The following ZNF704 variants were observed in gnomAD, a reference collection of about 807,000 sequenced individuals.
ZNF704 encodes zinc finger protein 704.
A neutral mutation model predicts 44.7 loss-of-function variants in ZNF704; 10 were observed. The observed-to-expected ratio is 0.22, with a 90% CI of 0.14 to 0.38. ZNF704 has a LOEUF of 0.38. Among genes scored for constraint, ZNF704 ranks in the 10% least tolerant of loss-of-function variants. The probability of loss-of-function intolerance (pLI) is 1.00; values close to 1 mark genes in which losing one functional copy is unlikely to be tolerated. For missense variants in ZNF704, 390 were observed against 545.5 expected (o/e 0.71, Z 2.84); for synonymous variants, 211 against 207.6 (o/e 1.02, Z -0.14).
At chr8:80,671,362 C>T (rs1206181652) in intron 4 of ZNF704, among the ~76,000 whole-genome samples, 4 of 152,200 alleles carry the variant, frequency 2.6e-5, no homozygotes, top group African/African-American at 9.6e-5. Context: ...TTTTCTAAAA[C>T]AGTCCAGTGC....
intron 2 of ZNF704, among the ~76,000 whole-genome samples, chr8:80,803,753 C>T (rs1428057766): frequency 6.6e-6 from 1 of 152,108 alleles, no homozygotes; most frequent in Non-Finnish European, 1.5e-5. Flanking sequence ...TAGGCAATAA[C>T]ATTCAGGACA....
intron 1 of ZNF704, among the ~76,000 whole-genome samples, chr8:80,873,068 G>A (rs1230630931): frequency 6.6e-6 from 1 of 152,196 alleles, no homozygotes; most frequent in South Asian, 2.1e-4. Flanking sequence ...GGAAGAAGGG[G>A]CTGAGAGATT....
intron 1 of ZNF704, among the ~76,000 whole-genome samples, chr8:80,826,030 A>G (rs1168218027): frequency 6.6e-6 from 1 of 152,078 alleles, no homozygotes; most frequent in African/African-American, 2.4e-5. Context: ...GAGAAGCAAG[A>G]GCAAACACAT....
intron 1 of ZNF704, among the ~76,000 whole-genome samples, chr8:80,868,516 T>G (rs1028280428): frequency 6.6e-6 from 1 of 152,232 alleles, no homozygotes; most frequent in Non-Finnish European, 1.5e-5. Flanking sequence ...TGTGAGCCCA[T>G]GCTCCCCACT....
At chr8:80,778,451 T>G (rs550627062) in intron 2 of ZNF704, among the ~76,000 whole-genome samples, 5 of 152,268 alleles carry the variant, frequency 3.3e-5, no homozygotes, top group African/African-American at 1.2e-4. Flanking sequence ...AGAATGGCAA[T>G]TCCTCAAAGA....
At chr8:80,830,753 C>CTTT (rs772059759) in intron 1 of ZNF704, among the ~76,000 whole-genome samples, 32 of 89,112 alleles carry the variant, frequency 3.6e-4, no homozygotes, top group East Asian at 5.9e-4. Flanking sequence ...GTGTTTCTTT[C>CTTT]TTTTTTTTTT....
At chr8:80,742,378 C>T (rs1806775535) in intron 2 of ZNF704, among the ~76,000 whole-genome samples, 1 of 152,174 alleles carries the variant, frequency 6.6e-6, no homozygotes, top group East Asian at 1.9e-4. Flanking sequence ...ATACTTTTGC[C>T]TGCAGCTAAC....
chr8:80,871,370 C>T (rs1809249393), intron 1 of ZNF704, among the ~76,000 whole-genome samples: 2 of 152,202 alleles, frequency 1.3e-5, no homozygotes, highest in Non-Finnish European at 2.9e-5. Flanking sequence ...CACCTCAAGA[C>T]TTGCAACTGC....
At chr8:80,834,702 G>A (rs1313627641) in intron 1 of ZNF704, among the ~76,000 whole-genome samples, 1 of 152,132 alleles carries the variant, frequency 6.6e-6, no homozygotes, top group Non-Finnish European at 1.5e-5. Context: ...TGCCCTGACA[G>A]GCCCCGGTGT....
chr8:80,811,654 A>G (rs570592697), intron 2 of ZNF704, among the ~76,000 whole-genome samples: 1 of 152,382 alleles, frequency 6.6e-6, no homozygotes, highest in East Asian at 1.9e-4. Flanking sequence ...TAGTGTGTTA[A>G]CTATACAAAA....
At chr8:80,783,190 C>A (rs1246020539) in intron 2 of ZNF704, among the ~76,000 whole-genome samples, 1 of 152,156 alleles carries the variant, frequency 6.6e-6, no homozygotes, top group East Asian at 1.9e-4. Flanking sequence ...ATGACAGAAG[C>A]AAACATTTGC....
chr8:80,642,906 A>G, intron 8 of ZNF704, 129 bp downstream of exon 8: 1 of 536,966 alleles, frequency 1.9e-6, no homozygotes, highest in Non-Finnish European at 3.0e-6. Context: ...CATGGGAAAA[A>G]AAGAAAGGGT....
At chr8:80,770,955 C>A (rs1807309347) in intron 2 of ZNF704, among the ~76,000 whole-genome samples, 1 of 152,118 alleles carries the variant, frequency 6.6e-6, no homozygotes, top group African/African-American at 2.4e-5. Flanking sequence ...AATTGCTTCT[C>A]CACCATTTGT....
intron 2 of ZNF704, among the ~76,000 whole-genome samples, chr8:80,732,512 C>G (rs1806598202): frequency 6.6e-6 from 1 of 152,194 alleles, no homozygotes; most frequent in African/African-American, 2.4e-5. Context: ...TAAGGACACT[C>G]AAGCAGCCCT....
At chr8:80,734,483 ATAATAC>A (rs1445370600) in intron 2 of ZNF704, among the ~76,000 whole-genome samples, 1 of 152,246 alleles carries the variant, frequency 6.6e-6, no homozygotes, top group African/African-American at 2.4e-5. Flanking sequence ...ACTGTTCAGT[ATAATAC>A]TGAACAAGAT....
At chr8:80,839,182 T>C (rs1808634824) in intron 1 of ZNF704, among the ~76,000 whole-genome samples, 1 of 152,246 alleles carries the variant, frequency 6.6e-6, no homozygotes, top group African/African-American at 2.4e-5. Context: ...CTAACGCCTC[T>C]AATTCCTTTG....
At chr8:80,751,193 T>C (rs73268633) in intron 2 of ZNF704, among the ~76,000 whole-genome samples, 3 of 152,140 alleles carry the variant, frequency 2.0e-5, no homozygotes, top group Non-Finnish European at 4.4e-5. Context: ...ACATAAATAA[T>C]CACACTGGAA....
intron 7 of ZNF704, among the ~76,000 whole-genome samples, chr8:80,653,061 C>G (rs571397491): frequency 2.0e-5 from 3 of 152,166 alleles, no homozygotes; most frequent in Non-Finnish European, 4.4e-5. Flanking sequence ...GAACCAAAGA[C>G]AAAAACCACA....
intron 1 of ZNF704, among the ~76,000 whole-genome samples, chr8:80,872,211 A>G (rs1809264682): frequency 6.6e-6 from 1 of 152,198 alleles, no homozygotes; most frequent in African/African-American, 2.4e-5. Flanking sequence ...AGGCTTTTCA[A>G]CAGACCATGG....
Sources: allele counts gnomAD v4.1 joint callset (sites outside exome capture counted in the v4.1 genomes callset), GRCh38; gene constraint gnomAD v4.1.1; transcripts MANE v1.5; gene names NCBI Gene and HGNC (gene_info 2026-07-23, HGNC 2026-07-21).